The following FNDC1 variants were observed in gnomAD, a reference collection of about 807,000 sequenced individuals.
The protein encoded by FNDC1 is fibronectin type III domain containing 1, also known as fibronectin type III domain-containing protein 1.
A neutral mutation model predicts 168.0 loss-of-function variants in FNDC1; 96 were observed. The ratio of observed to expected loss-of-function variants is 0.57; its 90% CI spans 0.48 to 0.68. FNDC1 has a LOEUF of 0.68. Among genes scored for constraint, FNDC1 ranks in the 30% least tolerant of loss-of-function variants. The probability of loss-of-function intolerance (pLI) is 0.00; values close to 1 mark genes in which losing one functional copy is unlikely to be tolerated. For missense variants in FNDC1, 2,587 were observed against 2,482.1 expected, an observed-to-expected ratio of 1.04 and a Z score of -0.90; for synonymous variants, 1,099 against 1,025.9, an observed-to-expected ratio of 1.07 and a Z score of -1.36.
chr6:159,269,346 C>A, intron 22 of FNDC1, among the ~76,000 whole-genome samples: 1 of 28,734 alleles, frequency 3.5e-5, no homozygotes, highest in East Asian at 1.0e-3. Flanking sequence ...TCTATCTATC[C>A]ATTTGTTTAT....
At chr6:159,224,293 G>T (rs1285591441) in intron 7 of FNDC1, among the ~76,000 whole-genome samples, 1 of 152,166 alleles carries the variant, frequency 6.6e-6, no homozygotes, top group Non-Finnish European at 1.5e-5. Flanking sequence ...GTCCACTAGT[G>T]AACATCATTT....
At chr6:159,210,294 G>A (rs1187497618) in intron 4 of FNDC1, among the ~76,000 whole-genome samples, 2 of 152,200 alleles carry the variant, frequency 1.3e-5, no homozygotes, top group East Asian at 1.9e-4. Flanking sequence ...GAGAGAGCTA[G>A]GGCTACCGAT....
At chr6:159,257,018 C>A (rs927863277) in intron 18 of FNDC1, among the ~76,000 whole-genome samples, 1 of 152,168 alleles carries the variant, frequency 6.6e-6, no homozygotes, top group African/African-American at 2.4e-5. Context: ...GAACTCGTTC[C>A]CAAACTCTGT....
chr6:159,174,127 A>T (rs1781715254), intron 1 of FNDC1, among the ~76,000 whole-genome samples: 1 of 152,230 alleles, frequency 6.6e-6, no homozygotes, highest in Non-Finnish European at 1.5e-5. Flanking sequence ...GAGAGAAAGG[A>T]CTATGTATGT....
In FNDC1 at chr6:159,169,753, C is replaced by G; in HGVS notation, c.109+48C>G. The stretch of plus-strand genomic sequence containing the variant: ...CGGCGCTCCTCAGCTCCCCGCGCAC[C>G]CTCCTGCGCTCGGGCCCCGTCGTCC... On this transcript the variant is annotated intron_variant, in intron 1 of 22. Transcript: ENST00000297267. The surrounding 1 kb of genome is among the most constrained non-coding windows in gnomAD (Gnocchi z 6.8). The G allele has an allele frequency of 1.3e-6, 1 of 772,694 alleles. No individual in the cohort carries two copies. Among genetic ancestry groups the G allele is most frequent in the Non-Finnish European group, 1.7e-6 (1 of 595,164 alleles). The allele number at this position is 772,694 out of a possible 1,614,324, so 47.9% of individuals were successfully genotyped here. A position where few individuals can be genotyped will look rare whatever the true frequency, so the allele number is the denominator to read the frequency against.
chr6:159,256,622 C>T lies in FNDC1; in HGVS notation c.5165C>T (p.Pro1722Leu). 1 of 1,609,802 alleles carries T rather than the reference C, an allele frequency of 6.2e-7. No homozygotes were observed. The change falls in exon 18 of 23, where the codon CCC becomes CTC. Residue 1722 changes from proline to leucine, a missense_variant. Physicochemically the swap from Pro to Leu is moderately conservative, Grantham distance 98 (BLOSUM62 -3). Coordinates refer to ENST00000297267, the MANE Select transcript of FNDC1 (RefSeq NM_032532.3). ...VTHLPIENLK[P>L]NTRYYFKVQA... Reference sequence around the variant, plus strand: ...CACTTGCCCATTGAGAACCTAAAGCCCAACACGAGGTACGATGTGTCAGTC... The same window carrying T: ...CACTTGCCCATTGAGAACCTAAAGCTCAACACGAGGTACGATGTGTCAGTC...
chr6:159,202,638 G>T (rs1302989735), intron 4 of FNDC1, among the ~76,000 whole-genome samples: 1 of 152,158 alleles, frequency 6.6e-6, no homozygotes, highest in Admixed American at 6.5e-5. Context: ...TAGAAACAAT[G>T]GCTGCAGTTC....
chr6:159,214,261 T>C (rs1025071477), intron 4 of FNDC1, among the ~76,000 whole-genome samples: 10 of 152,236 alleles, frequency 6.6e-5, no homozygotes, highest in South Asian at 2.1e-4. Flanking sequence ...CACTAAGTAT[T>C]GATCACCAGA....
chr6:159,255,952 T>C (rs1282618815), intron 17 of FNDC1, among the ~76,000 whole-genome samples: 1 of 152,038 alleles, frequency 6.6e-6, no homozygotes, highest in Non-Finnish European at 1.5e-5. Flanking sequence ...GGTTGGACAA[T>C]AGAAAGAAGA....
rs1422866992 is a variant in FNDC1, at chr6:159,233,034, C to T, written c.2522C>T (p.Pro841Leu). 6.2e-7 allele frequency: 1 copy of T among 1,612,040 alleles called. No individual in the cohort carries two copies. Among genetic ancestry groups the T allele is most frequent in the Middle Eastern group, 1.7e-4 (1 of 6,060 alleles). The change falls in exon 11 of 23, where the codon CCT becomes CTT. Residue 841 changes from proline (P) to leucine (L), a missense_variant. By Grantham distance (98) the Pro-to-Leu change is moderately conservative. Coordinates refer to ENST00000297267, the MANE Select transcript of FNDC1 (RefSeq NM_032532.3). This position sits in a 1 kb window ranked among gnomAD's most constrained non-coding sequence, Gnocchi z 4.6. Reference sequence around the variant, plus strand: ...AGCAGGTTCAGCATTGGGCGGGGACCTCGGCTGCAGCCCTCCAGCTCCCCA... The same window carrying T: ...AGCAGGTTCAGCATTGGGCGGGGACTTCGGCTGCAGCCCTCCAGCTCCCCA... ...SPSRFSIGRG[P>L]RLQPSSSPQS...
At chr6:159,196,390 G>A (rs150375473) in intron 1 of FNDC1, among the ~76,000 whole-genome samples, 1 of 152,270 alleles carries the variant, frequency 6.6e-6, no homozygotes, top group East Asian at 1.9e-4. Flanking sequence ...GGGCAATTTT[G>A]GGAGGAGTGA....
Position 159,206,884 on chromosome 6 carries a change from G to T in FNDC1, c.460+6303G>T, listed in dbSNP as rs528236803. 1.6e-4 allele frequency among the ~76,000 whole-genome samples: 25 copies of T among 152,336 alleles called. 2 individuals are homozygous for T. In the South Asian group the frequency reaches 5.2e-3, roughly 32 times the overall value. On this transcript the variant is annotated intron_variant, in intron 4 of 22. Coordinates refer to ENST00000297267, the MANE Select transcript of FNDC1 (RefSeq NM_032532.3). ...TCCCTCCCAAGGAAGTACTGCCCCAGAACGAGCCCTTCCATCTTAAGGGCT... is the reference window on the plus strand; with the variant it reads ...TCCCTCCCAAGGAAGTACTGCCCCATAACGAGCCCTTCCATCTTAAGGGCT...
chr6:159,190,013 A>G (rs756788962), intron 1 of FNDC1, among the ~76,000 whole-genome samples: 1 of 152,166 alleles, frequency 6.6e-6, no homozygotes, highest in Admixed American at 6.5e-5. Flanking sequence ...TTGGCTAAAG[A>G]ATGAGTTTTA....
In FNDC1 at chr6:159,225,679, T is replaced by C. The variant is rs915594268; in HGVS notation, c.1029T>C (p.Asp343=). Residue 343 remains aspartate, a synonymous_variant, in exon 8 of 23, where the codon GAT becomes GAC. Transcript: ENST00000297267. ...FAVRISQGER[D]GKWSTSVFQR... is the part of the protein sequence containing the mutation. ...TCCGTATTTCACAGGGTGAAAGAGA[T>C]GGCAAATGGAGTACGTCAGTCTTCC... 3.5e-5 allele frequency: 57 copies of C among 1,613,832 alleles called. No individual in the cohort carries two copies. Among genetic ancestry groups the C allele is most frequent in the Non-Finnish European group, 4.7e-5 (56 of 1,179,750 alleles).
At chr6:159,219,677 T>C (rs404461) in intron 5 of FNDC1, among the ~76,000 whole-genome samples, 24,148 of 152,108 alleles carry the variant, frequency 0.16, 2,406 homozygotes, top group East Asian at 0.3. Context: ...TTCTTAATGA[T>C]AAACTTGGGC....
At position 159,269,428 on chromosome 6, in the gene FNDC1, G is replaced by T. The variant is rs117809477; in HGVS notation, c.5569+1502G>T. 8.4e-4 allele frequency among the ~76,000 whole-genome samples: 49 copies of T among 58,542 alleles called. 3 individuals are homozygous for T. Among genetic ancestry groups the T allele is most frequent in the Middle Eastern group, 0.014 (1 of 70 alleles). 38.4% of individuals were successfully genotyped at this position (58,542 alleles called of 152,430 possible). On this transcript the variant is annotated intron_variant, in intron 22 of 22. Transcript: ENST00000297267. Reference sequence around the variant, plus strand: ...ATGTATGTATGTATGTATGTATGTAGGTATCCATCCATTATCTACCTATTC... The same window carrying T: ...ATGTATGTATGTATGTATGTATGTATGTATCCATCCATTATCTACCTATTC...
At chr6:159,249,414 G>C (rs1397247687) in intron 16 of FNDC1, among the ~76,000 whole-genome samples, 1 of 152,216 alleles carries the variant, frequency 6.6e-6, no homozygotes, top group Non-Finnish European at 1.5e-5. Context: ...AGAGAGCTGA[G>C]AGAGACTGCC....
rs758602860 is a variant in FNDC1, at chr6:159,234,196, C to T, written c.3684C>T (p.Ile1228=). The T allele has an allele frequency of 1.3e-6, 2 of 1,598,132 alleles. No homozygotes were observed. The highest frequency in any genetic ancestry group is 1.3e-5 in the African/African-American group (1 of 74,626). ...CCAAGGAAGAGAGGGAGCCTGCCAT[C>T]GCGCTTGCCCCTCGCGGAGGGAGCC... ...SLAKEEREPA[I]ALAPRGGSLA... The change falls in exon 11 of 23, where the codon ATC becomes ATT. Residue 1228 remains isoleucine, a synonymous_variant. Coordinates refer to ENST00000297267, the MANE Select transcript of FNDC1 (RefSeq NM_032532.3).
chr6:159,261,380 C>T (rs559315204), intron 19 of FNDC1, 111 bp downstream of exon 19: 53 of 704,770 alleles, frequency 7.5e-5, no homozygotes, highest in African/African-American at 6.9e-4. Context: ...TTAATGAGCT[C>T]ATGTTGGATA....
Sources: allele counts gnomAD v4.1 joint callset (sites outside exome capture counted in the v4.1 genomes callset), GRCh38; gene constraint gnomAD v4.1.1; non-coding constraint Gnocchi (gnomAD v3.1); transcripts MANE v1.5; gene names NCBI Gene and HGNC (gene_info 2026-07-23, HGNC 2026-07-21).